Variants in ZNF148 observed in about 807,000 individuals in gnomAD.
The protein encoded by ZNF148 is zinc finger protein 148.
In ZNF148, 7 loss-of-function variants were observed where a neutral mutation model predicts 67.7. The ratio of observed to expected loss-of-function variants is 0.10; its 90% CI spans 0.06 to 0.19. The LOEUF is 0.19. Among genes scored for constraint, ZNF148 ranks in the 10% least tolerant of loss-of-function variants. ZNF148 has a pLI of 1.00. For missense variants in ZNF148, 583 were observed against 947.1 expected (o/e 0.62, Z 5.05); for synonymous variants, 333 against 330.7 (o/e 1.01, Z -0.08).
intron 5 of ZNF148, among the ~76,000 whole-genome samples, chr3:125,287,278 CAG>C (rs1166256630): frequency 6.6e-6 from 1 of 152,022 alleles, no homozygotes; most frequent in African/African-American, 2.4e-5. Context: ...AAATATGCTG[CAG>C]AGAGTTCAGA....
At position 125,226,707 on chromosome 3, in the gene ZNF148, A is replaced by G. The variant is rs1038315757; in HGVS notation, c.*5634T>C. On this transcript the variant is annotated 3_prime_UTR_variant, in exon 9 of 9. Coordinates refer to ENST00000360647, the MANE Select transcript of ZNF148 (RefSeq NM_021964.3). ...GGTCAAGCAAGATTTTGTTTTTACA[A>G]TGACAATTAAAACATATTTAAAGAA... 6 of 140,562 alleles carry G rather than the reference A, an allele frequency of 4.3e-5. No individual in the cohort carries two copies. The highest frequency in any genetic ancestry group is 1.1e-4 in the African/African-American group (4 of 36,284). The allele number at this position is 140,562 out of a possible 1,614,324, so 8.7% of individuals were successfully genotyped here.
intron 5 of ZNF148, among the ~76,000 whole-genome samples, chr3:125,281,675 T>G (rs1245321998): frequency 1.3e-5 from 2 of 152,346 alleles, no homozygotes; most frequent in East Asian, 3.9e-4. Context: ...CTGGAGGTAC[T>G]GCTGCCTTTC....
chr3:125,253,870 AT>A (rs1179089017), intron 7 of ZNF148, among the ~76,000 whole-genome samples: 4 of 152,072 alleles, frequency 2.6e-5, no homozygotes, highest in Non-Finnish European at 5.9e-5. Flanking sequence ...TAGGTCTGCA[AT>A]TTTCTTTTCC....
At chr3:125,303,996 G>C (rs911465027) in intron 4 of ZNF148, among the ~76,000 whole-genome samples, 15 of 151,868 alleles carry the variant, frequency 9.9e-5, no homozygotes, top group Non-Finnish European at 5.9e-5. Flanking sequence ...TACCATTTTT[G>C]CCACCTTCCA....
intron 1 of ZNF148, among the ~76,000 whole-genome samples, chr3:125,343,570 G>A (rs1489016742): frequency 2.6e-5 from 4 of 151,518 alleles, no homozygotes; most frequent in Admixed American, 6.6e-5. Context: ...TCTGTAAAAC[G>A]CACCAATCAG....
intron 1 of ZNF148, among the ~76,000 whole-genome samples, chr3:125,339,117 A>G (rs960377705): frequency 3.9e-5 from 6 of 152,104 alleles, no homozygotes; most frequent in Admixed American, 3.9e-4. Context: ...CCCTCAAGTG[A>G]TCCTCCCACC....
intron 1 of ZNF148, among the ~76,000 whole-genome samples, chr3:125,342,890 G>C (rs978971520): frequency 1.2e-4 from 18 of 152,156 alleles, no homozygotes; most frequent in Admixed American, 1.1e-3. Context: ...AAGTATAAAA[G>C]TTGATATTAG....
At chr3:125,347,083 T>C (rs74331602) in intron 1 of ZNF148, among the ~76,000 whole-genome samples, 1 of 152,204 alleles carries the variant, frequency 6.6e-6, no homozygotes, top group East Asian at 1.9e-4. Flanking sequence ...AAGAAAATCA[T>C]AAGCACTTAT....
rs756623922 is a variant in ZNF148 at position 125,233,334 on chromosome 3, A to G, written c.1392T>C (p.Tyr464=). The G allele has an allele frequency of 6.2e-7, 1 of 1,613,992 alleles. No homozygotes were observed. The highest frequency in any genetic ancestry group is 1.1e-5 in the South Asian group (1 of 91,084). Residue 464 remains tyrosine (Y), a synonymous_variant, in exon 9 of 9, where the codon TAT becomes TAC. Coordinates refer to ENST00000360647, the MANE Select transcript of ZNF148 (RefSeq NM_021964.3). The surrounding 1 kb of genome is among the most constrained non-coding windows in gnomAD (Gnocchi z 5.1). Reference sequence around the variant, plus strand: ...TCTTCAAAAACTGCATGGCATCATCATAATTAGTACTACTATGCACAGGTT... The same window carrying G: ...TCTTCAAAAACTGCATGGCATCATCGTAATTAGTACTACTATGCACAGGTT... ...PSKPVHSSTN[Y]DDAMQFLKKK...
intron 4 of ZNF148, chr3:125,311,418 A>G (rs1470093576): frequency 6.6e-6 from 1 of 152,230 alleles, no homozygotes; most frequent in East Asian, 1.9e-4. Context: ...TTTTTGCTTA[A>G]AGCATTTTGG....
At chr3:125,343,956 T>C (rs1941839749) in intron 1 of ZNF148, 1 of 164,296 alleles carries the variant, frequency 6.1e-6, no homozygotes, top group Non-Finnish European at 1.3e-5. Context: ...ATAAATACTT[T>C]AGATTTGGTA....
At chr3:125,357,951 T>C (rs1360548348) in intron 1 of ZNF148, 1 of 152,248 alleles carries the variant, frequency 6.6e-6, no homozygotes, top group East Asian at 1.9e-4. Flanking sequence ...TTGTTTTATA[T>C]TGTTCCCAAA....
At chr3:125,307,054 CA>C (rs55863917) in intron 4 of ZNF148, among the ~76,000 whole-genome samples, 90 of 144,308 alleles carry the variant, frequency 6.2e-4, no homozygotes, top group Middle Eastern at 3.7e-3. Context: ...ATAGCTATTC[CA>C]AAAAAAAAAA....
chr3:125,317,501 A>G (rs1708733783), intron 3 of ZNF148, among the ~76,000 whole-genome samples: 1 of 151,914 alleles, frequency 6.6e-6, no homozygotes, highest in African/African-American at 2.4e-5. Context: ...TAGACAGGTG[A>G]CTTGTTAAAT....
intron 1 of ZNF148, among the ~76,000 whole-genome samples, chr3:125,345,443 G>C (rs1941904608): frequency 6.6e-6 from 1 of 152,038 alleles, no homozygotes; most frequent in South Asian, 2.1e-4. Context: ...TGTCGAACCA[G>C]TAATTGAATT....
intron 3 of ZNF148, among the ~76,000 whole-genome samples, chr3:125,317,875 CAG>C (rs1295410722): frequency 2.0e-5 from 3 of 151,516 alleles, no homozygotes; most frequent in African/African-American, 7.3e-5. Flanking sequence ...GTATGAGTAA[CAG>C]AATTGACTCT....
chr3:125,246,540 C>A (rs1001697573), intron 7 of ZNF148, among the ~76,000 whole-genome samples: 42 of 151,862 alleles, frequency 2.8e-4, no homozygotes, highest in African/African-American at 1.0e-3. Context: ...TACCTCAGAG[C>A]CAAATGTTAA....
intron 3 of ZNF148, among the ~76,000 whole-genome samples, chr3:125,317,662 T>TATATATATATAGAGAG (rs752542874): frequency 3.0e-4 from 27 of 90,048 alleles, no homozygotes; most frequent in South Asian, 3.8e-4. Context: ...TATATATATA[T>TATATATATATAGAGAG]AGAGAGAGAG....
chr3:125,258,090 T>C (rs1937166605), intron 7 of ZNF148, among the ~76,000 whole-genome samples: 2 of 149,726 alleles, frequency 1.3e-5, no homozygotes, highest in Non-Finnish European at 3.0e-5. Flanking sequence ...ATACTGTTAA[T>C]TTCATATATA....
Sources: gnomAD v4.1 joint callset for allele counts (sites outside exome capture counted in the v4.1 genomes callset) on GRCh38, gnomAD v4.1.1 for gene constraint, Gnocchi (gnomAD v3.1) non-coding constraint, MANE v1.5 for transcripts, NCBI Gene and HGNC (gene_info 2026-07-23, HGNC 2026-07-21) for gene names.